Variants in PRRC2C observed in about 807,000 individuals in gnomAD.
The protein encoded by PRRC2C is proline rich coiled-coil 2C, also known as protein PRRC2C.
Under a neutral mutation model 317.2 loss-of-function variants are expected in PRRC2C, and 72 were observed. The ratio of observed to expected loss-of-function variants is 0.23; its 90% CI spans 0.19 to 0.28. PRRC2C has a LOEUF of 0.28. PRRC2C is among the 10% of genes least tolerant of loss of function. PRRC2C has a pLI of 1.00. For synonymous variants in PRRC2C, 1,296 were observed against 1,205.9 expected (o/e 1.07, Z -1.55); for missense variants, 3,074 against 3,459.7 (o/e 0.89, Z 2.80).
chr1:171,577,486 G>A lies in PRRC2C; in HGVS notation c.7008G>A (p.Ser2336=), dbSNP rs373670148. ...SSLSTKSTTT[S]DPPNICKVKP... ...TGAGCACAAAATCTACAACCACATC[G>A]GACCCTCCAAATATTTGTAAAGTGA... Residue 2336 remains serine (S), a synonymous_variant, in exon 26 of 35, where the codon TCG becomes TCA. Coordinates refer to ENST00000647382, the MANE Select transcript of PRRC2C (RefSeq NM_001387844.1). 137 of 1,612,746 alleles carry A rather than the reference G, an allele frequency of 8.5e-5. No individual in the cohort carries two copies. Among genetic ancestry groups the A allele is most frequent in the Non-Finnish European group, 1.1e-4 (126 of 1,179,158 alleles).
At chr1:171,568,416 T>G in intron 23 of PRRC2C, 77 bp downstream of exon 23, 1 of 1,520,102 alleles carries the variant, frequency 6.6e-7, no homozygotes, top group East Asian at 2.5e-5. Flanking sequence ...TTTCATGTTT[T>G]ATTTACTGTA....
At chr1:171,517,209 A>C (rs1488903763) in intron 5 of PRRC2C, among the ~76,000 whole-genome samples, 3 of 152,180 alleles carry the variant, frequency 2.0e-5, no homozygotes, top group African/African-American at 4.8e-5. Context: ...ATCACTGTCA[A>C]CCCTTCCAGA....
At chr1:171,518,661 C>CTTT (rs386368727) in intron 6 of PRRC2C, among the ~76,000 whole-genome samples, 5,151 of 57,780 alleles carry the variant, frequency 0.089, 487 homozygotes, top group East Asian at 0.19. Flanking sequence ...CCACACCTGG[C>CTTT]TTTTTTTTTT....
chr1:171,557,880 C>A lies in PRRC2C; in HGVS notation c.5768C>A (p.Ala1923Asp). Residue 1923 changes from alanine (A) to aspartate (D), a missense_variant, in exon 19 of 35, where the codon GCC becomes GAC. Physicochemically the swap from Ala to Asp is moderately radical, Grantham distance 126 (BLOSUM62 -2). Transcript: ENST00000647382. ...GCCCCAGCCCCTACCCCAGTCTCAGCCCCAAATCCTGCCCCACCTGCCCCA... is the reference window on the plus strand; with the variant it reads ...GCCCCAGCCCCTACCCCAGTCTCAGACCCAAATCCTGCCCCACCTGCCCCA... Reference protein sequence around the residue: ...APAPAPTPVSAPNPAPPAPAQ... With the variant: ...APAPAPTPVSDPNPAPPAPAQ... The A allele has an allele frequency of 1.3e-6, 2 of 1,543,216 alleles. No homozygotes were observed. Among genetic ancestry groups the A allele is most frequent in the Non-Finnish European group, 1.8e-6 (2 of 1,142,844 alleles).
intron 34 of PRRC2C, among the ~76,000 whole-genome samples, chr1:171,590,020 C>G (rs1167876046): frequency 2.7e-5 from 4 of 150,358 alleles, no homozygotes; most frequent in Admixed American, 1.3e-4. Context: ...TTTCTTCCCC[C>G]CTTTCCCCTG....
intron 20 of PRRC2C, among the ~76,000 whole-genome samples, chr1:171,565,920 G>A (rs1683563423): frequency 6.6e-6 from 1 of 152,170 alleles, no homozygotes; most frequent in South Asian, 2.1e-4. Flanking sequence ...TGGTAGTGGT[G>A]TCTTTGTGTG....
Position 171,566,373 on chromosome 1 carries a change from A to G in PRRC2C, c.6258A>G (p.Lys2086=), listed in dbSNP as rs770793105. The G allele has an allele frequency of 6.3e-7, 1 of 1,592,324 alleles. No individual in the cohort carries two copies. The highest frequency in any genetic ancestry group is 1.3e-5 in the African/African-American group (1 of 74,428). Residue 2086 remains lysine, a synonymous_variant, in exon 21 of 35, where the codon AAA becomes AAG. Transcript: ENST00000647382. ...EKSADKIPEP[K]EQRQKQPRAG... is the part of the protein sequence containing the mutation. Reference sequence around the variant, plus strand: ...CTGCTGACAAAATACCTGAACCTAAAGAACAGCGGCAGAAGCAGCCACGAG... The same window carrying G: ...CTGCTGACAAAATACCTGAACCTAAGGAACAGCGGCAGAAGCAGCCACGAG...
intron 1 of PRRC2C, among the ~76,000 whole-genome samples, chr1:171,508,353 G>T (rs1670646139): frequency 6.6e-6 from 1 of 152,180 alleles, no homozygotes; most frequent in Non-Finnish European, 1.5e-5. Flanking sequence ...ATCATGAAAG[G>T]ATGTTAAACT....
intron 6 of PRRC2C, among the ~76,000 whole-genome samples, chr1:171,518,938 A>G (rs1164987099): frequency 6.7e-6 from 1 of 148,412 alleles, no homozygotes; most frequent in Non-Finnish European, 1.5e-5. Context: ...GCTGGAGTGC[A>G]GTGGCATGAT....
intron 1 of PRRC2C, among the ~76,000 whole-genome samples, chr1:171,493,763 C>T (rs556672139): frequency 6.6e-6 from 1 of 152,070 alleles, no homozygotes; most frequent in African/African-American, 2.4e-5. Flanking sequence ...GAGATCCTAC[C>T]ACTGCACTCT....
chr1:171,518,494 A>ATT (rs149358002), intron 6 of PRRC2C, among the ~76,000 whole-genome samples: 11 of 72,580 alleles, frequency 1.5e-4, no homozygotes, highest in African/African-American at 3.2e-4. Flanking sequence ...TTTTTTTTCA[A>ATT]TTTTTTTTTT....
intron 1 of PRRC2C, among the ~76,000 whole-genome samples, chr1:171,486,107 C>CTTTT (rs34040896): frequency 1.0e-5 from 1 of 95,582 alleles, no homozygotes; most frequent in African/African-American, 3.9e-5. Flanking sequence ...GACGTGAAGT[C>CTTTT]TTTTTTTTTT....
chr1:171,562,807 C>T lies in PRRC2C; in HGVS notation c.6117+1704C>T, dbSNP rs57126690. Among the ~76,000 whole-genome samples the T allele has an allele frequency of 3.0e-3, 461 of 152,084 alleles. 3 individuals carry two copies. The highest frequency in any genetic ancestry group is 0.011 in the African/African-American group (441 of 41,464). On this transcript the variant is annotated intron_variant, in intron 20 of 34. Transcript: ENST00000647382. The stretch of plus-strand genomic sequence containing the variant: ...AGTTTGAAGATAATGAATTTGAAGT[C>T]ATTAGCATATAGATGATGTTTAAAG...
At chr1:171,497,549 G>A (rs1387598897) in intron 1 of PRRC2C, among the ~76,000 whole-genome samples, 4 of 152,086 alleles carry the variant, frequency 2.6e-5, no homozygotes, top group African/African-American at 7.2e-5. Context: ...ATGGCTCACT[G>A]TAGCCTCAAC....
chr1:171,520,031 C>T (rs1251420972), intron 6 of PRRC2C, among the ~76,000 whole-genome samples: 1 of 152,182 alleles, frequency 6.6e-6, no homozygotes, highest in Admixed American at 6.5e-5. Flanking sequence ...GGCACCATCT[C>T]GGCTCACTGC....
rs1558027999 is a variant in PRRC2C at position 171,571,485 on chromosome 1, A to C, written c.6753+64A>C. The C allele has an allele frequency of 1.0e-5, 12 of 1,199,914 alleles. No individual in the cohort carries two copies. The East Asian group carries it at 1.4e-4, about 14-fold the overall frequency. 74.3% of individuals were successfully genotyped at this position (1,199,914 alleles called of 1,614,324 possible). A position where few individuals can be genotyped will look rare whatever the true frequency, so the allele number is the denominator to read the frequency against. On this transcript the variant is annotated intron_variant, in intron 24 of 34. Coordinates refer to ENST00000647382, the MANE Select transcript of PRRC2C (RefSeq NM_001387844.1). Reference sequence around the variant, plus strand: ...GCATGCAAGGGGACATAAGTTAACAATATTCGTGGGGTATTTTTACTAGAT... The same window carrying C: ...GCATGCAAGGGGACATAAGTTAACACTATTCGTGGGGTATTTTTACTAGAT...
chr1:171,583,115 A>T (rs1430890619), intron 28 of PRRC2C, among the ~76,000 whole-genome samples: 2 of 152,046 alleles, frequency 1.3e-5, no homozygotes, highest in Admixed American at 6.6e-5. Flanking sequence ...CTAGGACTAC[A>T]GGCACTTGCT....
In PRRC2C at chr1:171,557,307, C is replaced by A; in HGVS notation, c.5195C>A (p.Ala1732Asp). The change falls in exon 19 of 35, where the codon GCC (alanine) becomes GAC (aspartate). Residue 1732 changes from alanine to aspartate, a missense_variant. Ala to Asp is a moderately radical substitution (Grantham distance 126). Around this residue, in one of 11 missense-constraint regions of PRRC2C, gnomAD observed 640 missense variants for 676.1 expected, o/e 0.95. Coordinates refer to ENST00000647382, the MANE Select transcript of PRRC2C (RefSeq NM_001387844.1). ...ACTTCTAAGCTTCCTCCAAGATTTG[C>A]CAAAAAACAGGCTACAGGGATCCAG... ...SQTSKLPPRF[A>D]KKQATGIQQA... is the part of the protein sequence containing the mutation. 2 of 1,551,976 alleles carry A rather than the reference C, an allele frequency of 1.3e-6. No individual in the cohort carries two copies. The highest frequency in any genetic ancestry group is 1.7e-6 in the Non-Finnish European group (2 of 1,147,044).
rs1458433914 is a variant in PRRC2C, at chr1:171,523,238, G to A, written c.851G>A (p.Gly284Asp). The A allele has an allele frequency of 3.1e-6, 5 of 1,612,734 alleles. No individual in the cohort carries two copies. The highest frequency in any genetic ancestry group is 4.2e-6 in the Non-Finnish European group (5 of 1,179,364). The change falls in exon 8 of 35, where the codon GGC becomes GAC. Residue 284 changes from glycine to aspartate, a missense_variant. Physicochemically the swap from Gly to Asp is moderately conservative, Grantham distance 94. Around this residue, in one of 11 missense-constraint regions of PRRC2C, gnomAD observed 50 missense variants for 88.3 expected, o/e 0.57. Transcript: ENST00000647382. ...TTCATTAGAGGCCTTCGAGGAAGAG[G>A]CCCACCTCCTTCATGGGCCTCTGAG... ...SETNKGLRGRGPPPSWASEPE... is the reference protein window; with the variant it reads ...SETNKGLRGRDPPPSWASEPE...
Sources: allele counts gnomAD v4.1 joint callset (sites outside exome capture counted in the v4.1 genomes callset), GRCh38; gene constraint gnomAD v4.1.1; regional missense constraint gnomAD v4.1.1; transcripts MANE v1.5; gene names NCBI Gene and HGNC (gene_info 2026-07-23, HGNC 2026-07-21).